CNKSR2: variants seen among roughly 807,000 people sequenced by gnomAD.
CNKSR2 encodes the protein connector enhancer of kinase suppressor of Ras 2, also known as CNK homolog protein 2.
CNKSR2 carries 14 observed loss-of-function variants against 84.4 expected under a neutral mutation model. The observed-to-expected ratio is 0.17, with a 90% confidence interval of 0.11 to 0.26. The LOEUF (loss-of-function observed/expected upper bound fraction) is 0.26, where lower values mean the gene tolerates loss of function less well. Among genes scored for constraint, CNKSR2 ranks in the 10% least tolerant of loss-of-function variants. The probability of loss-of-function intolerance (pLI) is 1.00; values close to 1 mark genes in which losing one functional copy is unlikely to be tolerated. For synonymous variants in CNKSR2, 275 were observed against 277.9 expected, an observed-to-expected ratio of 0.99 and a Z score of 0.10; for missense variants, 485 against 771.2, an observed-to-expected ratio of 0.63 and a Z score of 4.40.
chrX:21,643,485 G>A (rs965199205), intron 20 of CNKSR2: 1 of 111,778 alleles, frequency 8.9e-6, no homozygotes, highest in African/African-American at 3.2e-5. Context: ...ATTTAGTGTT[G>A]TAAGGAAGGA....
chrX:21,426,721 C>A, intron 2 of CNKSR2, 61 bp downstream of exon 2: 1 of 1,086,331 alleles, frequency 9.2e-7, no homozygotes, highest in Non-Finnish European at 1.2e-6. Context: ...TTGCTTTTCC[C>A]TTTTTTCTTC....
chrX:21,530,575 G>A (rs1170802544), intron 10 of CNKSR2, among the ~76,000 whole-genome samples: 1 of 111,055 alleles, frequency 9.0e-6, no homozygotes, highest in Non-Finnish European at 1.9e-5. Context: ...TAAGATTTTA[G>A]TCTCATCACT....
At chrX:21,548,544 AGAGGGACTCCTCCCTAACTCATTTCAT>A (rs2092051791) in intron 11 of CNKSR2, among the ~76,000 whole-genome samples, 1 of 111,853 alleles carries the variant, frequency 8.9e-6, no homozygotes, top group Non-Finnish European at 1.9e-5. Context: ...CAATAGAAAA[AGAGGGACTCCTCCCTAACTCATTTCAT>A]GAGGCCAGCA....
chrX:21,419,380 T>C (rs2090464148), intron 1 of CNKSR2, among the ~76,000 whole-genome samples: 1 of 111,351 alleles, frequency 9.0e-6, no homozygotes, highest in Admixed American at 9.5e-5. Context: ...ATATCTTTTG[T>C]TTTTCCAGGA....
intron 4 of CNKSR2, among the ~76,000 whole-genome samples, chrX:21,466,165 T>C (rs1159493441): frequency 8.9e-6 from 1 of 112,065 alleles, no homozygotes; most frequent in Non-Finnish European, 1.9e-5. Context: ...TAGTATATAG[T>C]ATCGTGACTG....
At chrX:21,599,482 C>T (rs1352849524) in intron 17 of CNKSR2, among the ~76,000 whole-genome samples, 1 of 109,309 alleles carries the variant, frequency 9.1e-6, no homozygotes, top group East Asian at 2.9e-4. Flanking sequence ...TCTCGTGCCT[C>T]AGCCTCCCGA....
At chrX:21,537,760 T>C (rs933084445) in intron 11 of CNKSR2, 1 of 109,737 alleles carries the variant, frequency 9.1e-6, no homozygotes, top group Non-Finnish European at 1.9e-5. Flanking sequence ...AGTGAGCTTC[T>C]TGTATGCAGT....
intron 11 of CNKSR2, among the ~76,000 whole-genome samples, chrX:21,554,649 C>T (rs781190981): frequency 8.1e-5 from 9 of 111,606 alleles, no homozygotes; most frequent in Non-Finnish European, 1.7e-4. Flanking sequence ...CAGGTCCCTG[C>T]AAACAACATG....
intron 1 of CNKSR2, among the ~76,000 whole-genome samples, chrX:21,396,743 A>G (rs1336036475): frequency 8.9e-6 from 1 of 111,901 alleles, no homozygotes; most frequent in Non-Finnish European, 1.9e-5. Flanking sequence ...CCCTCATGTT[A>G]CTTGTAAGCA....
Position 21,491,055 on chromosome X carries a change from T to C in CNKSR2, c.681+477T>C, listed in dbSNP as rs1229200244. On this transcript the variant is annotated intron_variant, in intron 6 of 21. Transcript: ENST00000379510. ...ATTCTTTATAACTCGCATTCATTCT[T>C]AGAAGGGTAAGTAAGCACGTGGATA... 4 of 111,612 alleles carry C rather than the reference T, an allele frequency of 3.6e-5. No homozygotes were observed. The Admixed American group carries it at 3.8e-4, about 11-fold the overall frequency. The allele number at this position is 111,612 out of a possible 1,213,427, so 9.2% of individuals were successfully genotyped here. A position where few individuals can be genotyped will look rare whatever the true frequency, so the allele number is the denominator to read the frequency against.
chrX:21,488,111 A>G (rs1394640926), intron 5 of CNKSR2, among the ~76,000 whole-genome samples: 2 of 111,918 alleles, frequency 1.8e-5, no homozygotes, highest in Admixed American at 9.5e-5. Flanking sequence ...GAGTAAAGAG[A>G]TGTGAACTGT....
intron 11 of CNKSR2, among the ~76,000 whole-genome samples, chrX:21,540,430 A>G (rs1297264698): frequency 8.9e-6 from 1 of 111,830 alleles, no homozygotes; most frequent in East Asian, 2.8e-4. Flanking sequence ...TATTTAACCT[A>G]TAAAATAGTC....
intron 1 of CNKSR2, among the ~76,000 whole-genome samples, chrX:21,412,612 A>G (rs1378145835): frequency 9.0e-6 from 1 of 111,719 alleles, no homozygotes; most frequent in Non-Finnish European, 1.9e-5. Flanking sequence ...AATCATTGCC[A>G]CTAGTGGTTT....
chrX:21,609,313 C>G lies in CNKSR2; in HGVS notation c.2388C>G (p.Asp796Glu). 1 of 1,211,592 alleles carries G rather than the reference C, an allele frequency of 8.3e-7. No homozygotes were observed. Among genetic ancestry groups the G allele is most frequent in the South Asian group, 1.8e-5 (1 of 56,951 alleles). Residue 796 changes from aspartate (D) to glutamate (E), a missense_variant, in exon 20 of 22, where the codon GAC becomes GAG. This residue lies in a region of CNKSR2 where 210 missense variants were observed against 291.5 expected (regional missense o/e 0.72). Transcript: ENST00000379510. ...CCCTGGAGGATTCTGTCTTCTCTGA[C>G]TCCGCGGCCATCTCCCCAGAGCACA... is the stretch of plus-strand genomic sequence containing the variant. ...TLPLEDSVFS[D>E]SAAISPEHRR... is the part of the protein sequence containing the mutation.
At chrX:21,568,844 C>T (rs1486028152) in intron 13 of CNKSR2, among the ~76,000 whole-genome samples, 3 of 111,226 alleles carry the variant, frequency 2.7e-5, no homozygotes, top group African/African-American at 9.8e-5. Flanking sequence ...TGAACATTTG[C>T]ACTCTGGCTC....
intron 1 of CNKSR2, among the ~76,000 whole-genome samples, chrX:21,381,976 C>T (rs188215472): frequency 9.9e-5 from 11 of 111,394 alleles, no homozygotes; most frequent in African/African-American, 3.3e-4. Flanking sequence ...ATCCAACTCC[C>T]CCACTAGATG....
At chrX:21,499,727 A>G (rs1004399739) in intron 7 of CNKSR2, among the ~76,000 whole-genome samples, 1 of 110,570 alleles carries the variant, frequency 9.0e-6, no homozygotes, top group African/African-American at 3.3e-5. Flanking sequence ...GCTGCTCACT[A>G]GAGTGGGTAA....
At chrX:21,588,244 C>T (rs762987453) in intron 13 of CNKSR2, among the ~76,000 whole-genome samples, 1 of 111,998 alleles carries the variant, frequency 8.9e-6, no homozygotes, top group South Asian at 3.7e-4. Context: ...AGCTTCTTAT[C>T]AGTATAGGGA....
At chrX:21,586,751 A>G (rs1023279998) in intron 13 of CNKSR2, among the ~76,000 whole-genome samples, 4 of 111,776 alleles carry the variant, frequency 3.6e-5, no homozygotes, top group African/African-American at 1.3e-4. Flanking sequence ...AATGTAAAAT[A>G]TATGAAATAA....
Sources: gnomAD v4.1 joint callset for allele counts (sites outside exome capture counted in the v4.1 genomes callset) on GRCh38, gnomAD v4.1.1 for gene constraint, gnomAD v4.1.1 regional missense constraint, MANE v1.5 for transcripts, NCBI Gene and HGNC (gene_info 2026-07-23, HGNC 2026-07-21) for gene names.